SERPINF2: variants seen among roughly 807,000 people sequenced by gnomAD.
SERPINF2 encodes alpha-2-antiplasmin.
In SERPINF2, 15 loss-of-function variants were observed where a neutral mutation model predicts 45.0. The observed-to-expected ratio is 0.33, with a 90% CI of 0.22 to 0.51. The LOEUF (loss-of-function observed/expected upper bound fraction) is 0.51, where lower values mean the gene tolerates loss of function less well. Among genes scored for constraint, SERPINF2 ranks in the 20% least tolerant of loss-of-function variants. The pLI, the probability that SERPINF2 is intolerant of heterozygous loss-of-function variation, is 0.97. For missense variants in SERPINF2, 518 were observed against 637.4 expected, an observed-to-expected ratio of 0.81 and a Z score of 2.02; for synonymous variants, 283 against 277.9, an observed-to-expected ratio of 1.02 and a Z score of -0.18.
chr17:1,754,119 C>T lies in SERPINF2; in HGVS notation c.1064-3C>T. ...CTGACCAGCCATCTCTGGCCCTGGG[C>T]AGGCCTGCAGGAGTTGTTCCAGGCC... On this transcript the variant is annotated splice_polypyrimidine_tract_variant and splice_region_variant and intron_variant, in intron 9 of 9. Coordinates refer to ENST00000453066, the MANE Select transcript of SERPINF2 (RefSeq NM_000934.4). 1 of 1,604,012 alleles carries T rather than the reference C, an allele frequency of 6.2e-7. No homozygotes were observed.
intron 5 of SERPINF2, 100 bp from the exon 6 acceptor site, chr17:1,746,919 C>G: frequency 6.8e-7 from 1 of 1,459,940 alleles, no homozygotes; most frequent in African/African-American, 1.4e-5. Context: ...CGTGTGGTCC[C>G]GTGGACGTCC....
At position 1,745,455 on chromosome 17, in the gene SERPINF2, C is replaced by A. The variant is rs1357358545; in HGVS notation, c.165+60C>A. Reference sequence around the variant, plus strand: ...GGCTAGAGGGAGGAGGGCCCATCGGCAGGGGTCGGGGGGTGGGGGCGCGTG... The same window carrying A: ...GGCTAGAGGGAGGAGGGCCCATCGGAAGGGGTCGGGGGGTGGGGGCGCGTG... On this transcript the variant is annotated intron_variant, in intron 4 of 9. Transcript: ENST00000453066. This position sits in a 1 kb window ranked among gnomAD's most constrained non-coding sequence, Gnocchi z 6.2. 1.3e-6 allele frequency: 1 copy of A among 797,698 alleles called. No individual in the cohort carries two copies. The highest frequency in any genetic ancestry group is 4.6e-5 in the Admixed American group (1 of 21,522). 49.4% of individuals were successfully genotyped at this position (797,698 alleles called of 1,614,324 possible). A position where few individuals can be genotyped will look rare whatever the true frequency, so the allele number is the denominator to read the frequency against.
rs1169119254 is a variant in SERPINF2 at position 1,751,622 on chromosome 17, C to T, written c.859-964C>T. Among the ~76,000 whole-genome samples the T allele has an allele frequency of 3.1e-5, 4 of 129,406 alleles. 1 individual carries two copies. Among genetic ancestry groups the T allele is most frequent in the Non-Finnish European group, 5.2e-5 (3 of 57,744 alleles). 84.9% of individuals were successfully genotyped at this position (129,406 alleles called of 152,430 possible). On this transcript the variant is annotated intron_variant, in intron 8 of 9. Coordinates refer to ENST00000453066, the MANE Select transcript of SERPINF2 (RefSeq NM_000934.4). ...ACAAAAAATTAGCCGGGCGTAGTGG[C>T]GGGCACCTGTAATCCCAGCTACTCG...
rs769375407 is a variant in SERPINF2 at position 1,754,310 on chromosome 17, T to C, written c.1252T>C (p.Phe418Leu). ...SFSVNRPFLF[F>L]IFEDTTGLPL... ...CAGCGTGAACCGCCCCTTCCTCTTC[T>C]TCATCTTCGAGGACACCACAGGCCT... The change falls in exon 10 of 10, where the codon TTC becomes CTC. Residue 418 changes from phenylalanine to leucine, a missense_variant. By Grantham distance (22) the Phe-to-Leu change is conservative. Around this residue, in one of 2 missense-constraint regions of SERPINF2, gnomAD observed 435 missense variants for 577.3 expected, o/e 0.75. Coordinates refer to ENST00000453066, the MANE Select transcript of SERPINF2 (RefSeq NM_000934.4). The C allele has an allele frequency of 4.3e-6, 7 of 1,614,202 alleles. No individual in the cohort carries two copies. The highest frequency in any genetic ancestry group is 1.7e-5 in the Admixed American group (1 of 60,006).
At position 1,743,089 on chromosome 17, in the gene SERPINF2, G is replaced by T. The variant is rs1016772666; in HGVS notation, c.-5+181G>T. ...TTCTAATGCCCAGGTCGGAGTCGGG[G>T]CCCTGGCCAAGGGCTCTTGTGTGGG... On this transcript the variant is annotated intron_variant, in intron 1 of 9. Coordinates refer to ENST00000453066, the MANE Select transcript of SERPINF2 (RefSeq NM_000934.4). 4.1e-6 allele frequency: 4 copies of T among 985,194 alleles called. No individual in the cohort carries two copies. The African/African-American group carries it at 5.2e-5, about 13-fold the overall frequency. 61.0% of individuals were successfully genotyped at this position (985,194 alleles called of 1,614,324 possible).
chr17:1,746,873 G>A, intron 5 of SERPINF2, 146 bp from the exon 6 acceptor site: 1 of 1,118,530 alleles, frequency 8.9e-7, no homozygotes, highest in Non-Finnish European at 1.2e-6. Context: ...AGGGGTGAGA[G>A]CCACGCAGAA....
chr17:1,744,929 G>A, intron 1 of SERPINF2, 63 bp from the exon 2 acceptor site: 4 of 1,611,286 alleles, frequency 2.5e-6, no homozygotes, highest in South Asian at 1.1e-5. Context: ...GATCGCGTGG[G>A]TAGGATTCCC....
chr17:1,754,089 C>A (rs1208002044), intron 9 of SERPINF2, 33 bp from the exon 10 acceptor site: 2 of 1,599,650 alleles, frequency 1.3e-6, no homozygotes, highest in Middle Eastern at 2.0e-4. Context: ...AGGCCAAGGG[C>A]AGCTCTGACC....
Position 1,742,903 on chromosome 17 carries a change from G to A in SERPINF2, c.-10G>A, listed in dbSNP as rs1382620994. ...CGTTGTGTGTGGCAGCAAGGAGCCC[G>A]CAGAGGTATGAGGGGAGGGGCTGCT... On this transcript the variant is annotated 5_prime_UTR_variant, in exon 1 of 10. Transcript: ENST00000453066. 21 of 985,372 alleles carry A rather than the reference G, an allele frequency of 2.1e-5. No homozygotes were observed. Among genetic ancestry groups the A allele is most frequent in the Middle Eastern group, 5.2e-4 (1 of 1,940 alleles). 61.0% of individuals were successfully genotyped at this position (985,372 alleles called of 1,614,324 possible).
rs201320264 is a variant in SERPINF2 at position 1,744,948 on chromosome 17, G to A, written c.-4-44G>A. ...GCGTGGGTAGGATTCCCTGGCGGGCGTGGGGATGTGAGATGGGAACAGAGC... is the reference window on the plus strand; with the variant it reads ...GCGTGGGTAGGATTCCCTGGCGGGCATGGGGATGTGAGATGGGAACAGAGC... On this transcript the variant is annotated intron_variant, in intron 1 of 9. Coordinates refer to ENST00000453066, the MANE Select transcript of SERPINF2 (RefSeq NM_000934.4). 7.4e-4 allele frequency: 1,191 copies of A among 1,612,184 alleles called. 5 individuals are homozygous for A. The highest frequency in any genetic ancestry group is 9.0e-4 in the South Asian group (82 of 91,046).
At chr17:1,749,698 C>A (rs1047305690) in intron 8 of SERPINF2, among the ~76,000 whole-genome samples, 11 of 152,128 alleles carry the variant, frequency 7.2e-5, no homozygotes, top group African/African-American at 2.7e-4. Flanking sequence ...CCAGGCCTGG[C>A]CTTATTTAGG....
At chr17:1,750,456 A>AT (rs1241712336) in intron 8 of SERPINF2, among the ~76,000 whole-genome samples, 171 of 141,664 alleles carry the variant, frequency 1.2e-3, no homozygotes, top group Non-Finnish European at 1.4e-3. Context: ...CAATTTTTGT[A>AT]TTTTTTTTTT....
At chr17:1,744,964 G>A (rs759893506) in intron 1 of SERPINF2, 28 bp from the exon 2 acceptor site, 1 of 1,613,390 alleles carries the variant, frequency 6.2e-7, no homozygotes, top group Non-Finnish European at 8.5e-7. Context: ...ATGTGAGATG[G>A]GAACAGAGCT....
At chr17:1,743,990 G>C (rs778426393) in intron 1 of SERPINF2, among the ~76,000 whole-genome samples, 1 of 150,786 alleles carries the variant, frequency 6.6e-6, no homozygotes, top group Non-Finnish European at 1.5e-5. Context: ...TCCGCCTCCC[G>C]GGTTCAAGCA....
intron 9 of SERPINF2, among the ~76,000 whole-genome samples, chr17:1,753,642 C>T (rs909538026): frequency 6.6e-6 from 1 of 152,114 alleles, no homozygotes; most frequent in Non-Finnish European, 1.5e-5. Flanking sequence ...GCCGAGATCA[C>T]GCCACTGTAC....
At chr17:1,750,154 T>A (rs1906245297) in intron 8 of SERPINF2, among the ~76,000 whole-genome samples, 1 of 151,706 alleles carries the variant, frequency 6.6e-6, no homozygotes, top group Admixed American at 6.6e-5. Context: ...TGTTCGTTTG[T>A]TTGTTTGTTT....
chr17:1,753,066 G>A (rs915497267), intron 9 of SERPINF2, among the ~76,000 whole-genome samples: 9 of 152,192 alleles, frequency 5.9e-5, no homozygotes, highest in African/African-American at 1.9e-4. Context: ...TGTGAGCCTC[G>A]CTGGCTTCCC....
intron 8 of SERPINF2, among the ~76,000 whole-genome samples, chr17:1,750,578 G>T (rs1426658385): frequency 1.3e-5 from 2 of 152,140 alleles, no homozygotes; most frequent in Admixed American, 6.5e-5. Flanking sequence ...AGGAGCCACT[G>T]CGCCCAGCTC....
Position 1,745,995 on chromosome 17 carries a change from T to A in SERPINF2, c.367+86T>A, listed in dbSNP as rs1905788710. On this transcript the variant is annotated intron_variant, in intron 5 of 9. Coordinates refer to ENST00000453066, the MANE Select transcript of SERPINF2 (RefSeq NM_000934.4). The surrounding 1 kb of genome is among the most constrained non-coding windows in gnomAD (Gnocchi z 6.2). ...CCAATGGTTCTCCGCGGGCGGTTCCTCCACCAGGGTCACGTGGCTGTTTGG... is the reference window on the plus strand; with the variant it reads ...CCAATGGTTCTCCGCGGGCGGTTCCACCACCAGGGTCACGTGGCTGTTTGG... The A allele has an allele frequency of 7.1e-7, 1 of 1,408,072 alleles. No homozygotes were observed. The allele number at this position is 1,408,072 out of a possible 1,614,324, so 87.2% of individuals were successfully genotyped here. A position where few individuals can be genotyped will look rare whatever the true frequency, so the allele number is the denominator to read the frequency against.
Sources: gnomAD v4.1 joint callset for allele counts (sites outside exome capture counted in the v4.1 genomes callset) on GRCh38, gnomAD v4.1.1 for gene constraint, gnomAD v4.1.1 regional missense constraint, Gnocchi (gnomAD v3.1) non-coding constraint, MANE v1.5 for transcripts, NCBI Gene and HGNC (gene_info 2026-07-23, HGNC 2026-07-21) for gene names.